ARHGEF2: variants seen among roughly 807,000 people sequenced by gnomAD.
The protein encoded by ARHGEF2 is rho guanine nucleotide exchange factor 2.
In ARHGEF2, 22 loss-of-function variants were observed where a neutral mutation model predicts 121.0. The observed-to-expected ratio is 0.18, with a 90% CI of 0.13 to 0.26. The LOEUF (loss-of-function observed/expected upper bound fraction) is 0.26, where lower values mean the gene tolerates loss of function less well. ARHGEF2 is among the 10% of genes least tolerant of loss of function. The pLI, the probability that ARHGEF2 is intolerant of heterozygous loss-of-function variation, is 1.00. For missense variants in ARHGEF2, 907 were observed against 1,336.0 expected (o/e 0.68, Z 5.01); for synonymous variants, 487 against 530.0 (o/e 0.92, Z 1.11).
chr1:155,964,174 A>ATATATATG (rs1553244918), intron 7 of ARHGEF2, among the ~76,000 whole-genome samples: 14 of 78,706 alleles, frequency 1.8e-4, no homozygotes, highest in Non-Finnish European at 1.9e-4. Flanking sequence ...AAAAATATAT[A>ATATATATG]TATATATATA....
rs763687981 is a variant in ARHGEF2 at position 155,957,829 on chromosome 1, G to A, written c.1599C>T (p.Asn533=). The A allele has an allele frequency of 2.2e-5, 35 of 1,614,088 alleles. No homozygotes were observed. The South Asian group carries it at 3.6e-4, about 17-fold the overall frequency. The change falls in exon 13 of 22, where the codon AAC becomes AAT. Residue 533 remains asparagine (N), a synonymous_variant. Transcript: ENST00000361247. The stretch of plus-strand genomic sequence containing the variant: ...TGATCAGAAACATCCCTTTCTCCTG[G>A]TTGGCAATGTCTCGTACGATTAGAT... ...LQNLIVRDIA[N]QEKGMFLISA...
In ARHGEF2 at chr1:155,962,572, G is replaced by T; in HGVS notation, c.1101+21C>A. 1 of 1,612,180 alleles carries T rather than the reference G, an allele frequency of 6.2e-7. No homozygotes were observed. The highest frequency in any genetic ancestry group is 8.5e-7 in the Non-Finnish European group (1 of 1,179,692). On this transcript the variant is annotated intron_variant, in intron 9 of 21. Transcript: ENST00000361247. This position sits in a 1 kb window ranked among gnomAD's most constrained non-coding sequence, Gnocchi z 5.8. ...GGGTGGGTTTGGGCCATGAGCATGGGATCTGGAGAGGTCCGCTCACCCGGA... is the reference window on the plus strand; with the variant it reads ...GGGTGGGTTTGGGCCATGAGCATGGTATCTGGAGAGGTCCGCTCACCCGGA...
Position 155,954,940 on chromosome 1 carries a change from A to G in ARHGEF2, c.1745T>C (p.Ile582Thr), listed in dbSNP as rs138903024. The change falls in exon 14 of 22, where the codon ATT becomes ACT. Residue 582 changes from isoleucine (I) to threonine (T), a missense_variant. Physicochemically the swap from Ile to Thr is moderately conservative, Grantham distance 89. This residue lies in a region of ARHGEF2 where 432 missense variants were observed against 559.5 expected (regional missense o/e 0.77). Coordinates refer to ENST00000361247, the MANE Select transcript of ARHGEF2 (RefSeq NM_001162383.2). ...TCPSREDFPLIETEDEAYLRR... is the reference protein window; with the variant it reads ...TCPSREDFPLTETEDEAYLRR... ...CAGGTAAGCCTCATCCTCTGTCTCA[A>G]TCAGGGGGAAGTCCTCCCTGGATGG... The G allele has an allele frequency of 6.2e-7, 1 of 1,611,688 alleles. No individual in the cohort carries two copies. The highest frequency in any genetic ancestry group is 8.5e-7 in the Non-Finnish European group (1 of 1,179,020).
chr1:155,956,648 C>A (rs1459898481), intron 13 of ARHGEF2, among the ~76,000 whole-genome samples: 2 of 151,138 alleles, frequency 1.3e-5, no homozygotes, highest in Non-Finnish European at 2.9e-5. Context: ...ATGGCAAAAC[C>A]CCGTCTCCAC....
In ARHGEF2 at chr1:155,951,583, C is replaced by T; in HGVS notation, c.2209-50G>A. On this transcript the variant is annotated intron_variant, in intron 18 of 21. Transcript: ENST00000361247. The surrounding 1 kb of genome is among the most constrained non-coding windows in gnomAD (Gnocchi z 5.1). ...GGGCCCCAGCTTTAGGATGGGAGAA[C>T]TGCCCAAAAGTTGAACAAGGGTGGG... 6.2e-7 allele frequency: 1 copy of T among 1,613,430 alleles called. No individual in the cohort carries two copies. The highest frequency in any genetic ancestry group is 8.5e-7 in the Non-Finnish European group (1 of 1,179,392).
In ARHGEF2 at chr1:155,962,851, C is replaced by T. The variant is rs775532576; in HGVS notation, c.975+82G>A. 2 of 1,601,706 alleles carry T rather than the reference C, an allele frequency of 1.2e-6. No homozygotes were observed. Among genetic ancestry groups the T allele is most frequent in the African/African-American group, 2.7e-5 (2 of 74,662 alleles). ...AGCTCTCCCTGGCTCCCCTCCAACCCCTAGAATTTGGACCCAAGAAATGCC... is the reference window on the plus strand; with the variant it reads ...AGCTCTCCCTGGCTCCCCTCCAACCTCTAGAATTTGGACCCAAGAAATGCC... On this transcript the variant is annotated intron_variant, in intron 8 of 21. Transcript: ENST00000361247. This position sits in a 1 kb window ranked among gnomAD's most constrained non-coding sequence, Gnocchi z 5.8.
rs1312099024 is a variant in ARHGEF2 at position 155,952,791 on chromosome 1, C to T, written c.1821G>A (p.Leu607=). ...CAAACAGCCCGACCTTCTCTCGCAG[C>T]AGCTCCACCAGTGCCCGGTCCTTCT... ...LQQKDRALVE[L]LREKVGLFAE... The change falls in exon 15 of 22, where the codon CTG becomes CTA. Residue 607 remains leucine (L), a synonymous_variant. Transcript: ENST00000361247. 6.2e-7 allele frequency: 1 copy of T among 1,614,086 alleles called. No homozygotes were observed. The highest frequency in any genetic ancestry group is 2.2e-5 in the East Asian group (1 of 44,900).
At position 155,978,075 on chromosome 1, in the gene ARHGEF2, C is replaced by G. The variant is rs1681639986; in HGVS notation, c.63+290G>C. The G allele has an allele frequency of 8.5e-7, 1 of 1,170,018 alleles. No individual in the cohort carries two copies. The highest frequency in any genetic ancestry group is 1.1e-6 in the Non-Finnish European group (1 of 947,044). The allele number at this position is 1,170,018 out of a possible 1,614,324, so 72.5% of individuals were successfully genotyped here. On this transcript the variant is annotated intron_variant, in intron 1 of 21. Coordinates refer to ENST00000361247, the MANE Select transcript of ARHGEF2 (RefSeq NM_001162383.2). The surrounding 1 kb of genome is among the most constrained non-coding windows in gnomAD (Gnocchi z 4.1). The stretch of plus-strand genomic sequence containing the variant: ...CCCGCTCCGTCCCTTACCGGAGCAA[C>G]TTTCTTTCAAGCGGCCTAAAGCACT...
In ARHGEF2 at chr1:155,963,060, A is replaced by C; in HGVS notation, c.848T>G (p.Val283Gly). Residue 283 changes from valine to glycine, a missense_variant, in exon 8 of 22, where the codon GTG becomes GGG. Around this residue, in one of 2 missense-constraint regions of ARHGEF2, gnomAD observed 475 missense variants for 776.5 expected, o/e 0.61. Transcript: ENST00000361247. ...TGTATGGATGTCACTGAGCTCGTCC[A>C]CGCAGGGGAACAGGCCCTGGACCAC... ...PGVVQGLFPC[V>G]DELSDIHTRF... is the part of the protein sequence containing the mutation. The C allele has an allele frequency of 6.2e-7, 1 of 1,614,134 alleles. No individual in the cohort carries two copies. The highest frequency in any genetic ancestry group is 8.5e-7 in the Non-Finnish European group (1 of 1,180,030).
At position 155,978,513 on chromosome 1, in the gene ARHGEF2, G is replaced by T; in HGVS notation, c.-86C>A. ...GAAGGCGGGGGGAGGGGTTCGGCCC[G>T]CACGCGTTGGTCTCGGGGACAGGAA... On this transcript the variant is annotated 5_prime_UTR_variant, in exon 1 of 22. Transcript: ENST00000361247. This position sits in a 1 kb window ranked among gnomAD's most constrained non-coding sequence, Gnocchi z 4.1. 5 of 1,318,658 alleles carry T rather than the reference G, an allele frequency of 3.8e-6. No individual in the cohort carries two copies. Among genetic ancestry groups the T allele is most frequent in the Non-Finnish European group, 4.9e-6 (5 of 1,021,800 alleles). 81.7% of individuals were successfully genotyped at this position (1,318,658 alleles called of 1,614,324 possible).
intron 3 of ARHGEF2, among the ~76,000 whole-genome samples, 164 bp from the exon 4 acceptor site, chr1:155,966,643 T>C (rs1679435794): frequency 6.6e-6 from 1 of 152,056 alleles, no homozygotes; most frequent in African/African-American, 2.4e-5. Flanking sequence ...GGGACATGTC[T>C]GCAGCAACAG....
chr1:155,952,744 G>A lies in ARHGEF2; in HGVS notation c.1868C>T (p.Ala623Val), dbSNP rs1239163740. The part of the protein sequence containing the change: ...GLFAEMTHFQ[A>V]EEDGGSGMAL... ...CATCCCACTGCCACCATCCTCTTCGGCCTGGAAATGGGTCATCTCAGCAAA... is the reference window on the plus strand; with the variant it reads ...CATCCCACTGCCACCATCCTCTTCGACCTGGAAATGGGTCATCTCAGCAAA... Residue 623 changes from alanine to valine, a missense_variant, in exon 15 of 22, where the codon GCC (alanine) becomes GTC (valine). By Grantham distance (64) the Ala-to-Val change is moderately conservative. Coordinates refer to ENST00000361247, the MANE Select transcript of ARHGEF2 (RefSeq NM_001162383.2). 1 of 1,614,202 alleles carries A rather than the reference G, an allele frequency of 6.2e-7. No homozygotes were observed. The highest frequency in any genetic ancestry group is 1.1e-5 in the South Asian group (1 of 91,086).
At chr1:155,972,070 C>T (rs1680575856) in intron 1 of ARHGEF2, among the ~76,000 whole-genome samples, 1 of 152,116 alleles carries the variant, frequency 6.6e-6, no homozygotes, top group East Asian at 1.9e-4. Flanking sequence ...TGCCCTCCAC[C>T]CTCCCCCTGT....
In ARHGEF2 at chr1:155,950,871, G is replaced by A. The variant is rs765072859; in HGVS notation, c.2661C>T (p.Leu887=). ...RRPVDPRRRS[L]PAGDALYLSF... ...TCAAGTACAGGGCATCGCCTGCGGG[G>A]AGGCTGCGCCGCCGAGGATCCACAG... The change falls in exon 20 of 22, where the codon CTC becomes CTT. Residue 887 remains leucine, a synonymous_variant. Transcript: ENST00000361247. The surrounding 1 kb of genome is among the most constrained non-coding windows in gnomAD (Gnocchi z 5.2). The A allele has an allele frequency of 5.2e-6, 8 of 1,550,132 alleles. No individual in the cohort carries two copies. The highest frequency in any genetic ancestry group is 2.0e-5 in the Admixed American group (1 of 49,844).
chr1:155,955,322 G>A (rs189912331), intron 13 of ARHGEF2, among the ~76,000 whole-genome samples: 3 of 151,928 alleles, frequency 2.0e-5, no homozygotes, highest in East Asian at 1.9e-4. Context: ...ATGGGGTTTC[G>A]TCACGTTGGC....
At chr1:155,954,747 C>A (rs565611443) in intron 14 of ARHGEF2, among the ~76,000 whole-genome samples, 155 bp downstream of exon 14, 35 of 151,904 alleles carry the variant, frequency 2.3e-4, no homozygotes, top group African/African-American at 8.4e-4. Flanking sequence ...ATACACTTTA[C>A]ATTGTTTTAA....
intron 7 of ARHGEF2, 79 bp downstream of exon 7, chr1:155,964,909 A>AT: frequency 3.5e-6 from 5 of 1,425,246 alleles, no homozygotes; most frequent in Non-Finnish European, 3.8e-6. Flanking sequence ...AAAAAAAAAA[A>AT]GAAAAAGAAA....
chr1:155,965,289 C>T lies in ARHGEF2; in HGVS notation c.580+14G>A, dbSNP rs765270619. On this transcript the variant is annotated intron_variant, in intron 6 of 21. Transcript: ENST00000361247. The surrounding 1 kb of genome is among the most constrained non-coding windows in gnomAD (Gnocchi z 6.0). ...CATGTTCCTCAGGGCTCCCCTGGGC[C>T]CAGGCCTGCTCACCTTCGTCAATGA... The T allele has an allele frequency of 2.5e-6, 4 of 1,613,326 alleles. No individual in the cohort carries two copies. In the Admixed American group the frequency reaches 6.7e-5, roughly 27 times the overall value.
At chr1:155,966,345 G>A (rs1679367337) in intron 4 of ARHGEF2, 71 bp downstream of exon 4, 11 of 1,471,694 alleles carry the variant, frequency 7.5e-6, no homozygotes, top group Non-Finnish European at 1.0e-5. Context: ...TAGTGGGGCA[G>A]CAGAGCCCAT....
Sources: gnomAD v4.1 joint callset for allele counts (sites outside exome capture counted in the v4.1 genomes callset) on GRCh38, gnomAD v4.1.1 for gene constraint, gnomAD v4.1.1 regional missense constraint, Gnocchi (gnomAD v3.1) non-coding constraint, MANE v1.5 for transcripts, NCBI Gene and HGNC (gene_info 2026-07-23, HGNC 2026-07-21) for gene names.